Variants in TUSC3 observed in about 807,000 individuals in gnomAD.
The protein encoded by TUSC3 is tumor suppressor candidate 3.
In TUSC3, 45 loss-of-function variants were observed where a neutral mutation model predicts 44.8. The ratio of observed to expected loss-of-function variants is 1.00; its 90% CI spans 0.79 to 1.29. The LOEUF is 1.29. Ranked by LOEUF, TUSC3 falls within the 50% of genes most tolerant of loss-of-function variation. The pLI is 0.00. For missense variants in TUSC3, 519 were observed against 437.9 expected, an observed-to-expected ratio of 1.19 and a Z score of -1.65; for synonymous variants, 212 against 152.9, an observed-to-expected ratio of 1.39 and a Z score of -2.85.
At chr8:15,774,427 A>T in the TUSC3 span, among the ~76,000 whole-genome samples, 19 of 152,258 alleles carry the variant, frequency 1.2e-4, no homozygotes, top group African/African-American at 4.1e-4. Context: ...AGAAAACCAT[A>T]TAAAGATGGA....
At chr8:15,438,817 T>C (rs529134729) in intron 1 of TUSC3, among the ~76,000 whole-genome samples, 2 of 152,270 alleles carry the variant, frequency 1.3e-5, no homozygotes, top group South Asian at 2.1e-4. Context: ...GCAGATATTA[T>C]CCCCATCTCA....
chr8:15,583,804 A>G (rs760505443), intron 1 of TUSC3, among the ~76,000 whole-genome samples: 3 of 152,214 alleles, frequency 2.0e-5, no homozygotes, highest in African/African-American at 4.8e-5. Context: ...TAAAAGAAGT[A>G]TAAGCCATTT....
At chr8:15,582,421 G>T (rs953614105) in intron 1 of TUSC3, among the ~76,000 whole-genome samples, 20 of 152,198 alleles carry the variant, frequency 1.3e-4, no homozygotes, top group African/African-American at 4.8e-4. Context: ...TATTGGAAAT[G>T]GAAGATACGT....
chr8:15,468,489 A>C (rs1482878641), intron 1 of TUSC3, among the ~76,000 whole-genome samples: 1 of 152,174 alleles, frequency 6.6e-6, no homozygotes, highest in Non-Finnish European at 1.5e-5. Context: ...TCATGGGTCT[A>C]CCAGTGATTA....
intron 6 of TUSC3, among the ~76,000 whole-genome samples, chr8:15,719,278 A>G (rs1353098227): frequency 1.3e-5 from 2 of 151,616 alleles, no homozygotes; most frequent in African/African-American, 4.8e-5. Context: ...CCATTATTCC[A>G]TCTCTCTTAT....
chr8:15,748,143 C>T (rs1262516428), intron 8 of TUSC3, among the ~76,000 whole-genome samples: 3 of 148,252 alleles, frequency 2.0e-5, no homozygotes, highest in African/African-American at 7.8e-5. Flanking sequence ...TTTCATACCA[C>T]AAATAGTACA....
intron 2 of TUSC3, among the ~76,000 whole-genome samples, chr8:15,534,525 C>A (rs1801495461): frequency 6.6e-6 from 1 of 151,858 alleles, no homozygotes; most frequent in Admixed American, 6.6e-5. Context: ...CTCCTGTAGT[C>A]CCAGCTACTC....
intron 1 of TUSC3, among the ~76,000 whole-genome samples, chr8:15,470,255 T>C (rs574504880): frequency 7.8e-6 from 1 of 127,732 alleles, no homozygotes. Flanking sequence ...AAAGACCCTG[T>C]CTCAAAAAAA....
intron 5 of TUSC3, among the ~76,000 whole-genome samples, chr8:15,672,153 G>C (rs1271735024): frequency 6.6e-6 from 1 of 152,036 alleles, no homozygotes; most frequent in South Asian, 2.1e-4. Context: ...GGAGCATGCA[G>C]TGCCAGTTAA....
intron 1 of TUSC3, among the ~76,000 whole-genome samples, chr8:15,420,601 CA>C (rs57468852): frequency 0.36 from 55,338 of 151,902 alleles, 11,365 homozygotes; most frequent in African/African-American, 0.56. Flanking sequence ...CCAGTTTCTG[CA>C]AAAATTCCTC....
At chr8:15,716,234 C>T (rs1251970255) in intron 6 of TUSC3, among the ~76,000 whole-genome samples, 2 of 151,934 alleles carry the variant, frequency 1.3e-5, no homozygotes, top group Non-Finnish European at 2.9e-5. Context: ...CCAGCCTGGG[C>T]GACAGAGTGA....
chr8:15,611,956 G>C (rs1007606216), intron 1 of TUSC3, among the ~76,000 whole-genome samples: 5 of 152,162 alleles, frequency 3.3e-5, no homozygotes, highest in Admixed American at 2.0e-4. Flanking sequence ...TTTATCGTTG[G>C]GTTTTCATTG....
chr8:15,536,407 C>T (rs972141031), upstream of TUSC3, among the ~76,000 whole-genome samples: 1 of 151,996 alleles, frequency 6.6e-6, no homozygotes, highest in African/African-American at 2.4e-5. Flanking sequence ...GAGGACTGGG[C>T]GCAGTGGCTC....
intron 1 of TUSC3, among the ~76,000 whole-genome samples, chr8:15,566,671 G>C (rs1033069994): frequency 1.3e-5 from 2 of 151,580 alleles, no homozygotes; most frequent in Non-Finnish European, 2.9e-5. Context: ...TCAGACTGGA[G>C]TACACTGGCA....
chr8:15,512,874 A>ATATATATATATATC (rs1801159831), intron 2 of TUSC3, among the ~76,000 whole-genome samples: 1 of 102,736 alleles, frequency 9.7e-6, no homozygotes, highest in South Asian at 4.1e-4. Flanking sequence ...ATGTGTGTGT[A>ATATATATATATATC]TATATATATA....
At chr8:15,446,423 T>C (rs1008914976) in intron 1 of TUSC3, among the ~76,000 whole-genome samples, 6 of 151,950 alleles carry the variant, frequency 3.9e-5, no homozygotes, top group Non-Finnish European at 8.8e-5. Context: ...GCCACTGCAC[T>C]CCAGCCTGGG....
At chr8:15,434,984 C>G (rs13258854) in intron 1 of TUSC3, among the ~76,000 whole-genome samples, 2 of 147,580 alleles carry the variant, frequency 1.4e-5, no homozygotes, top group African/African-American at 5.2e-5. Context: ...TGAATAGTGC[C>G]GCAGTAAACA....
At chr8:15,698,598 T>G (rs1468641960) in intron 6 of TUSC3, among the ~76,000 whole-genome samples, 1 of 152,174 alleles carries the variant, frequency 6.6e-6, no homozygotes, top group Non-Finnish European at 1.5e-5. Flanking sequence ...CTAAATTGTT[T>G]ATACTATTAC....
the TUSC3 span, among the ~76,000 whole-genome samples, chr8:15,826,652 G>A: frequency 5.9e-5 from 9 of 152,064 alleles, no homozygotes; most frequent in Admixed American, 1.3e-4. Context: ...GAGAAGAAGC[G>A]AATGCTATTT....
Sources: gnomAD v4.1 joint callset for allele counts (sites outside exome capture counted in the v4.1 genomes callset) on GRCh38, gnomAD v4.1.1 for gene constraint, MANE v1.5 for transcripts, NCBI Gene and HGNC (gene_info 2026-07-23, HGNC 2026-07-21) for gene names.